SYT1: variants seen among roughly 807,000 people sequenced by gnomAD.
SYT1 encodes synaptotagmin 1, also known as synaptotagmin-1.
A neutral mutation model predicts 44.8 loss-of-function variants in SYT1; 8 were observed. The observed-to-expected ratio is 0.18, with a 90% CI of 0.10 to 0.32. SYT1 has a LOEUF of 0.32. SYT1 is among the 10% of genes least tolerant of loss of function. SYT1 has a pLI of 1.00. For missense variants in SYT1, 286 were observed against 509.3 expected (o/e 0.56, Z 4.22); for synonymous variants, 154 against 188.8 (o/e 0.82, Z 1.51).
At chr12:79,176,191 G>A (rs1293993254) in intron 3 of SYT1, among the ~76,000 whole-genome samples, 1 of 151,524 alleles carries the variant, frequency 6.6e-6, no homozygotes, top group African/African-American at 2.4e-5. Context: ...TTGGGAGGCT[G>A]AGGCAGGAGA....
At chr12:78,950,419 C>T (rs17046088) in intron 1 of SYT1, among the ~76,000 whole-genome samples, 10,282 of 151,654 alleles carry the variant, frequency 0.068, 421 homozygotes, top group East Asian at 0.15. Flanking sequence ...TACATTTTTA[C>T]ACAGTTTCTA....
chr12:79,441,841 C>G (rs1870440979), intron 9 of SYT1, among the ~76,000 whole-genome samples: 1 of 152,222 alleles, frequency 6.6e-6, no homozygotes, highest in African/African-American at 2.4e-5. Flanking sequence ...CTGGTACAAG[C>G]ATCACCATAC....
chr12:79,371,022 GACT>G (rs1159719423), intron 9 of SYT1, among the ~76,000 whole-genome samples: 1 of 151,998 alleles, frequency 6.6e-6, no homozygotes, highest in Non-Finnish European at 1.5e-5. Flanking sequence ...ACGAATGAAA[GACT>G]ACTACTGCTA....
intron 3 of SYT1, among the ~76,000 whole-genome samples, chr12:79,145,948 G>A (rs61657353): frequency 0.092 from 13,870 of 151,278 alleles, 814 homozygotes; most frequent in African/African-American, 0.17. Context: ...TAGTAGAGAC[G>A]GGGTTTCACC....
At chr12:79,032,437 C>A (rs1872885366) in intron 2 of SYT1, among the ~76,000 whole-genome samples, 2 of 151,152 alleles carry the variant, frequency 1.3e-5, no homozygotes, top group African/African-American at 2.4e-5. Flanking sequence ...TTGATGTTTG[C>A]CTGTTTTATA....
At chr12:79,341,087 A>G (rs1882350003) in intron 8 of SYT1, 1 of 152,228 alleles carries the variant, frequency 6.6e-6, no homozygotes, top group South Asian at 2.1e-4. Context: ...TCTTTGTAGC[A>G]TGACTGGCAT....
intron 9 of SYT1, 70 bp downstream of exon 9, chr12:79,353,689 A>C (rs906684705): frequency 1.8e-6 from 2 of 1,095,642 alleles, no homozygotes; most frequent in Non-Finnish European, 2.8e-6. Context: ...CATGGCGCAC[A>C]TGCTGCGACT....
intron 9 of SYT1, among the ~76,000 whole-genome samples, chr12:79,373,865 T>C (rs1593011064): frequency 6.6e-6 from 1 of 152,288 alleles, no homozygotes; most frequent in Non-Finnish European, 1.5e-5. Flanking sequence ...CATATTCTCA[T>C]TTCTCACTCG....
chr12:79,420,435 C>T (rs554951351), intron 9 of SYT1, among the ~76,000 whole-genome samples: 1 of 152,080 alleles, frequency 6.6e-6, no homozygotes, highest in Non-Finnish European at 1.5e-5. Flanking sequence ...TGGTTGAAAT[C>T]CTTTGACCTC....
chr12:79,008,718 G>A (rs750533820), intron 2 of SYT1, among the ~76,000 whole-genome samples: 4 of 152,064 alleles, frequency 2.6e-5, no homozygotes, highest in Admixed American at 6.6e-5. Flanking sequence ...TGTTGGATAC[G>A]TAAGGTGCTC....
intron 8 of SYT1, among the ~76,000 whole-genome samples, chr12:79,320,770 G>A (rs1319202638): frequency 1.4e-5 from 2 of 147,576 alleles, no homozygotes; most frequent in East Asian, 4.1e-4. Context: ...CTATAGGCAT[G>A]TTCCACCAGG....
At chr12:79,186,651 G>A (rs1342568503) in intron 3 of SYT1, among the ~76,000 whole-genome samples, 3 of 151,922 alleles carry the variant, frequency 2.0e-5, no homozygotes, top group Non-Finnish European at 1.5e-5. Flanking sequence ...TGAAAAAATC[G>A]GAAGTAGACT....
chr12:79,299,364 C>A lies in SYT1; in HGVS notation c.643-20C>A, dbSNP rs780460415. 5.6e-6 allele frequency: 9 copies of A among 1,610,116 alleles called. No homozygotes were observed. The highest frequency in any genetic ancestry group is 7.6e-6 in the Non-Finnish European group (9 of 1,178,306). On this transcript the variant is annotated intron_variant, in intron 7 of 10. Transcript: ENST00000261205. ...GCATTTTTGTGACTGGATATTTTAT[C>A]CTCATGTCTTTTAATTTAGGTACCA...
chr12:79,205,034 G>C (rs1421172072), intron 3 of SYT1, among the ~76,000 whole-genome samples: 1 of 144,062 alleles, frequency 6.9e-6, no homozygotes, highest in Non-Finnish European at 1.5e-5. Context: ...GTGCAATCTC[G>C]GCTCACTGCA....
At chr12:79,090,773 T>C (rs1877721182) in intron 3 of SYT1, among the ~76,000 whole-genome samples, 1 of 151,914 alleles carries the variant, frequency 6.6e-6, no homozygotes, top group Non-Finnish European at 1.5e-5. Flanking sequence ...CTGGAGGCTG[T>C]GGTGACAGGT....
chr12:79,314,113 G>A (rs990166906), intron 8 of SYT1, among the ~76,000 whole-genome samples: 1 of 143,954 alleles, frequency 6.9e-6, no homozygotes, highest in African/African-American at 2.6e-5. Flanking sequence ...AGCTTGCAGT[G>A]AGCCGAGATC....
chr12:78,986,971 A>T (rs555552503), intron 2 of SYT1, among the ~76,000 whole-genome samples: 1 of 152,218 alleles, frequency 6.6e-6, no homozygotes, highest in African/African-American at 2.4e-5. Flanking sequence ...TTTATGAAGC[A>T]TCACCATGAA....
chr12:79,271,826 G>A (rs1053969280), intron 4 of SYT1, among the ~76,000 whole-genome samples: 2 of 152,156 alleles, frequency 1.3e-5, no homozygotes, highest in African/African-American at 4.8e-5. Context: ...ATAATCTACA[G>A]AGAGCCAAGA....
In SYT1 at chr12:79,253,246, G is replaced by A. The variant is rs190096227; in HGVS notation, c.167-32541G>A. ...AAGATTTTTAGTAAATCTGTGTCAAGCAAATCAATGCCATTTTCCCCAAAG... is the reference window on the plus strand; with the variant it reads ...AAGATTTTTAGTAAATCTGTGTCAAACAAATCAATGCCATTTTCCCCAAAG... On this transcript the variant is annotated intron_variant, in intron 4 of 10. Coordinates refer to ENST00000261205, the MANE Select transcript of SYT1 (RefSeq NM_005639.3). Among the ~76,000 whole-genome samples, 3 of 152,176 alleles carry A rather than the reference G, an allele frequency of 2.0e-5. No homozygotes were observed. In the East Asian group the frequency reaches 5.8e-4, roughly 29 times the overall value.
Sources: gnomAD v4.1 joint callset for allele counts (sites outside exome capture counted in the v4.1 genomes callset) on GRCh38, gnomAD v4.1.1 for gene constraint, MANE v1.5 for transcripts, NCBI Gene and HGNC (gene_info 2026-07-23, HGNC 2026-07-21) for gene names.